Variants in LMAN1 observed in about 807,000 individuals in gnomAD.
LMAN1 encodes lectin, mannose binding 1.
Under a neutral mutation model 67.8 loss-of-function variants are expected in LMAN1, and 32 were observed. The observed-to-expected ratio is 0.47, with a 90% CI of 0.36 to 0.63. LMAN1 has a LOEUF of 0.63. Among genes scored for constraint, LMAN1 ranks in the 30% least tolerant of loss-of-function variants. The pLI is 0.00. For synonymous variants in LMAN1, 235 were observed against 219.3 expected (o/e 1.07, Z -0.63); for missense variants, 632 against 628.2 (o/e 1.01, Z -0.06).
intron 5 of LMAN1, among the ~76,000 whole-genome samples, chr18:59,352,276 C>T (rs1332195106): frequency 1.3e-5 from 2 of 152,086 alleles, no homozygotes; most frequent in Non-Finnish European, 2.9e-5. Context: ...GTAAATAGTA[C>T]CAATTAGCTG....
chr18:59,355,672 C>T lies in LMAN1; in HGVS notation c.215-14G>A, dbSNP rs778717776. ...TTGGAATAGCATCTAGAACAGAAAT[C>T]AGGGGAAAAAAGCTTTAAGTTATAA... is the stretch of plus-strand genomic sequence containing the variant. On this transcript the variant is annotated splice_polypyrimidine_tract_variant and intron_variant, in intron 1 of 12. Coordinates refer to ENST00000251047, the MANE Select transcript of LMAN1 (RefSeq NM_005570.4). 1.2e-5 allele frequency: 19 copies of T among 1,612,130 alleles called. No homozygotes were observed. Among genetic ancestry groups the T allele is most frequent in the Non-Finnish European group, 1.5e-5 (18 of 1,179,722 alleles).
intron 8 of LMAN1, among the ~76,000 whole-genome samples, chr18:59,339,491 A>G (rs1211874872): frequency 6.6e-6 from 1 of 152,108 alleles, no homozygotes; most frequent in East Asian, 1.9e-4. Context: ...GGCTTTTATG[A>G]TCCTGGCTAC....
rs1008087209 is a variant in LMAN1, at chr18:59,347,628, T to C, written c.764-57A>G. 1.7e-5 allele frequency: 19 copies of C among 1,123,914 alleles called. No individual in the cohort carries two copies. The African/African-American group carries it at 2.7e-4, about 16-fold the overall frequency. The allele number at this position is 1,123,914 out of a possible 1,614,324, so 69.6% of individuals were successfully genotyped here. A position where few individuals can be genotyped will look rare whatever the true frequency, so the allele number is the denominator to read the frequency against. ...GTTCCATAGGAGATTACTTTTATCA[T>C]TGTAAATGTATTTTATCAATATTTA... is the stretch of plus-strand genomic sequence containing the variant. On this transcript the variant is annotated intron_variant, in intron 6 of 12. Coordinates refer to ENST00000251047, the MANE Select transcript of LMAN1 (RefSeq NM_005570.4).
At chr18:59,344,791 T>C (rs898357314) in intron 8 of LMAN1, among the ~76,000 whole-genome samples, 1 of 152,172 alleles carries the variant, frequency 6.6e-6, no homozygotes, top group Non-Finnish European at 1.5e-5. Context: ...TCTTCCTAAA[T>C]ACATAAAAAG....
rs2070738483 is a variant in LMAN1 at position 59,330,119 on chromosome 18, A to G, written c.*974T>C. The G allele has an allele frequency of 6.6e-6, 1 of 152,618 alleles. No homozygotes were observed. The highest frequency in any genetic ancestry group is 1.5e-5 in the Non-Finnish European group (1 of 68,036). 9.5% of individuals were successfully genotyped at this position (152,618 alleles called of 1,614,324 possible). The stretch of plus-strand genomic sequence containing the variant: ...CTTCAAGAATCTTAAAACTGCTTCT[A>G]CTACAGCCTCCTTGATTTAAAAGAG... On this transcript the variant is annotated 3_prime_UTR_variant, in exon 13 of 13. Coordinates refer to ENST00000251047, the MANE Select transcript of LMAN1 (RefSeq NM_005570.4).
chr18:59,330,908 T>A lies in LMAN1; in HGVS notation c.*185A>T, dbSNP rs764761931. The A allele has an allele frequency of 4.2e-4, 252 of 601,428 alleles. No individual in the cohort carries two copies. The highest frequency in any genetic ancestry group is 1.5e-4 in the Admixed American group (5 of 32,916). 37.3% of individuals were successfully genotyped at this position (601,428 alleles called of 1,614,324 possible). A position where few individuals can be genotyped will look rare whatever the true frequency, so the allele number is the denominator to read the frequency against. ...CTGAAATTTAGACAGATTTACATAC[T>A]GTGAACAAATTAAAATGTGGTTGTC... On this transcript the variant is annotated 3_prime_UTR_variant, in exon 13 of 13. Transcript: ENST00000251047.
chr18:59,344,120 T>C (rs1908347848), intron 8 of LMAN1, among the ~76,000 whole-genome samples: 2 of 152,090 alleles, frequency 1.3e-5, no homozygotes, highest in South Asian at 4.1e-4. Context: ...ACAATGGCCA[T>C]TATTAAAAAG....
chr18:59,331,875 C>A (rs2070749774), intron 11 of LMAN1, among the ~76,000 whole-genome samples: 1 of 152,144 alleles, frequency 6.6e-6, no homozygotes, highest in Admixed American at 6.5e-5. Context: ...TTCACGCTTG[C>A]TGTAGTGGTG....
In LMAN1 at chr18:59,331,444, T is replaced by C. The variant is rs373825643; in HGVS notation, c.1470A>G (p.Val490=). 3.7e-6 allele frequency: 6 copies of C among 1,609,404 alleles called. No individual in the cohort carries two copies. The African/African-American group carries it at 6.7e-5, about 18-fold the overall frequency. ...TATACATGATATAACCAATGAATAA[T>C]ACAGTTTGCACCACAACAAATATAA... ...HFIIFVVVQT[V]LFIGYIMYRS... is the part of the protein sequence containing the mutation. Residue 490 remains valine (V), a synonymous_variant, in exon 12 of 13, where the codon GTA becomes GTG. Transcript: ENST00000251047.
intron 11 of LMAN1, among the ~76,000 whole-genome samples, 165 bp downstream of exon 11, chr18:59,332,926 T>G (rs1053193042): frequency 1.3e-5 from 2 of 152,130 alleles, no homozygotes; most frequent in Non-Finnish European, 2.9e-5. Flanking sequence ...CTTCAATAAC[T>G]AGAAAACCAG....
rs866041053 is a variant in LMAN1 at position 59,329,220 on chromosome 18, C to T, written c.*1873G>A. The T allele has an allele frequency of 6.6e-6, 1 of 152,170 alleles. No individual in the cohort carries two copies. Among genetic ancestry groups the T allele is most frequent in the Non-Finnish European group, 1.5e-5 (1 of 68,024 alleles). The allele number at this position is 152,170 out of a possible 1,614,324, so 9.4% of individuals were successfully genotyped here. ...AAAAGATAAAAGGCTCATGCTCATG[C>T]TGTTTCATAATAGCCATCTCCATTT... On this transcript the variant is annotated 3_prime_UTR_variant, in exon 13 of 13. Coordinates refer to ENST00000251047, the MANE Select transcript of LMAN1 (RefSeq NM_005570.4).
At chr18:59,340,330 G>A (rs1555671799) in intron 8 of LMAN1, among the ~76,000 whole-genome samples, 1 of 152,142 alleles carries the variant, frequency 6.6e-6, no homozygotes, top group Non-Finnish European at 1.5e-5. Context: ...TTTCACTACA[G>A]CATATTGTAT....
intron 8 of LMAN1, among the ~76,000 whole-genome samples, chr18:59,340,903 T>C (rs112394970): frequency 0.028 from 4,323 of 152,298 alleles, 179 homozygotes; most frequent in African/African-American, 0.087. Context: ...ATGGATTAAA[T>C]GTTCCACTAA....
At chr18:59,358,197 G>T (rs547333102) in intron 1 of LMAN1, among the ~76,000 whole-genome samples, 2 of 152,270 alleles carry the variant, frequency 1.3e-5, no homozygotes, top group South Asian at 2.1e-4. Flanking sequence ...CTCTAGCAAG[G>T]CTCTCTTATC....
At chr18:59,354,726 A>AGT in intron 3 of LMAN1, 146 bp from the exon 4 acceptor site, 1 of 547,356 alleles carries the variant, frequency 1.8e-6, no homozygotes, top group East Asian at 2.9e-5. Context: ...AGGAATTACT[A>AGT]AAGTTCTTTA....
In LMAN1 at chr18:59,353,199, T is replaced by C. The variant is rs1568117898; in HGVS notation, c.639+3A>G. 1 of 1,603,030 alleles carries C rather than the reference T, an allele frequency of 6.2e-7. No homozygotes were observed. Among genetic ancestry groups the C allele is most frequent in the East Asian group, 2.2e-5 (1 of 44,822 alleles). ...TGATTCTCTCTAAATAGATGTTACTTACTGTCAGTGTGTTCTGGTAATAGG... is the reference window on the plus strand; with the variant it reads ...TGATTCTCTCTAAATAGATGTTACTCACTGTCAGTGTGTTCTGGTAATAGG... On this transcript the variant is annotated splice_donor_region_variant and intron_variant, in intron 5 of 12. Coordinates refer to ENST00000251047, the MANE Select transcript of LMAN1 (RefSeq NM_005570.4).
At chr18:59,346,209 CTTTT>C (rs370183077) in intron 7 of LMAN1, among the ~76,000 whole-genome samples, 158 bp from the exon 8 acceptor site, 97 of 61,602 alleles carry the variant, frequency 1.6e-3, no homozygotes, top group African/African-American at 1.9e-3. Flanking sequence ...GCAAATTACT[CTTTT>C]TTTTTTTTTT....
chr18:59,331,401 T>G lies in LMAN1; in HGVS notation c.1496+17A>C. 1 of 1,601,582 alleles carries G rather than the reference T, an allele frequency of 6.2e-7. No individual in the cohort carries two copies. Among genetic ancestry groups the G allele is most frequent in the Non-Finnish European group, 8.6e-7 (1 of 1,169,098 alleles). ...GATGCAGAAAAATATTGGGTCACATTTTATCAAGAGACTTACCTATACATG... is the reference window on the plus strand; with the variant it reads ...GATGCAGAAAAATATTGGGTCACATGTTATCAAGAGACTTACCTATACATG... On this transcript the variant is annotated intron_variant, in intron 12 of 12. Coordinates refer to ENST00000251047, the MANE Select transcript of LMAN1 (RefSeq NM_005570.4).
At chr18:59,355,941 TTC>T (rs1908652411) in intron 1 of LMAN1, among the ~76,000 whole-genome samples, 1 of 152,204 alleles carries the variant, frequency 6.6e-6, no homozygotes, top group Non-Finnish European at 1.5e-5. Flanking sequence ...TCTCATAACA[TTC>T]TTTTTAAAAA....
Sources: allele counts gnomAD v4.1 joint callset (sites outside exome capture counted in the v4.1 genomes callset), GRCh38; gene constraint gnomAD v4.1.1; transcripts MANE v1.5; gene names NCBI Gene and HGNC (gene_info 2026-07-23, HGNC 2026-07-21).